The following COL12A1 variants were observed in gnomAD, a reference collection of about 807,000 sequenced individuals.
COL12A1 encodes the protein collagen alpha-1(XII) chain.
Under a neutral mutation model 349.7 loss-of-function variants are expected in COL12A1, and 114 were observed. The ratio of observed to expected loss-of-function variants is 0.33; its 90% CI spans 0.28 to 0.38. COL12A1 has a LOEUF of 0.38. Among genes scored for constraint, COL12A1 ranks in the 10% least tolerant of loss-of-function variants. The pLI, the probability that COL12A1 is intolerant of heterozygous loss-of-function variation, is 1.00. For synonymous variants in COL12A1, 1,369 were observed against 1,329.0 expected (o/e 1.03, Z -0.66); for missense variants, 3,284 against 3,756.9 (o/e 0.87, Z 3.29).
intron 27 of COL12A1, among the ~76,000 whole-genome samples, chr6:75,141,781 C>T (rs1356636796): frequency 6.6e-6 from 1 of 152,142 alleles, no homozygotes; most frequent in African/African-American, 2.4e-5. Context: ...CACAGGTGCA[C>T]ATCAAGTAGT....
chr6:75,121,447 A>C lies in COL12A1; in HGVS notation c.6947-6T>G, dbSNP rs200538799. 6.5e-6 allele frequency: 10 copies of C among 1,537,418 alleles called. No homozygotes were observed. The highest frequency in any genetic ancestry group is 3.5e-4 in the Middle Eastern group (2 of 5,760). On this transcript the variant is annotated splice_region_variant and splice_polypyrimidine_tract_variant and intron_variant, in intron 43 of 65. Transcript: ENST00000322507. ...TGCCTTGGCCCCTTTGCATACTGCA[A>C]AAAAAGAAAGCAGAGGAAGCCCCAA... is the stretch of plus-strand genomic sequence containing the variant.
chr6:75,123,298 G>C, intron 43 of COL12A1, 32 bp downstream of exon 43: 1 of 1,573,416 alleles, frequency 6.4e-7, no homozygotes, highest in East Asian at 2.3e-5. Flanking sequence ...CTCCCTATCA[G>C]CTGAACGTAT....
intron 49 of COL12A1, among the ~76,000 whole-genome samples, chr6:75,114,729 T>A (rs937113543): frequency 3.3e-5 from 5 of 152,134 alleles, no homozygotes; most frequent in African/African-American, 9.6e-5. Context: ...TCAAGAACTA[T>A]CTTTATAATA....
Position 75,133,279 on chromosome 6 carries a change from G to C in COL12A1, c.5794+14C>G. 1.3e-6 allele frequency: 2 copies of C among 1,554,876 alleles called. No homozygotes were observed. The highest frequency in any genetic ancestry group is 1.7e-6 in the Non-Finnish European group (2 of 1,154,732). On this transcript the variant is annotated intron_variant, in intron 34 of 65. Transcript: ENST00000322507. Reference sequence around the variant, plus strand: ...CTTATGATGAAAAATTAATTTTTTGGCTTTATTACTTACATGTCCTTCCAG... The same window carrying C: ...CTTATGATGAAAAATTAATTTTTTGCCTTTATTACTTACATGTCCTTCCAG...
chr6:75,095,212 T>G, intron 59 of COL12A1, 33 bp from the exon 60 acceptor site: 2 of 1,548,504 alleles, frequency 1.3e-6, no homozygotes, highest in Non-Finnish European at 1.8e-6. Flanking sequence ...GGGACTGTTA[T>G]GACAAAGGGA....
At chr6:75,127,850 A>T (rs1004140014) in intron 38 of COL12A1, among the ~76,000 whole-genome samples, 2 of 152,188 alleles carry the variant, frequency 1.3e-5, no homozygotes, top group African/African-American at 4.8e-5. Flanking sequence ...TTTTTTAGAA[A>T]AAGCTAAATT....
In COL12A1 at chr6:75,134,779, G is replaced by T; in HGVS notation, c.5471C>A (p.Ser1824Tyr). The change falls in exon 32 of 66, where the codon TCC (serine) becomes TAC (tyrosine). Residue 1824 changes from serine (S) to tyrosine (Y), a missense_variant. By Grantham distance (144) the Ser-to-Tyr change is moderately radical (BLOSUM62 -2). Coordinates refer to ENST00000322507, the MANE Select transcript of COL12A1 (RefSeq NM_004370.6). ...TCCTTCACCATCAGGATACAGAGAG[G>T]ATACGGTGATAGTGTAAGGAGTGTC... ...KPDTPYTITVSSLYPDGEGGR... is the reference protein window; with the variant it reads ...KPDTPYTITVYSLYPDGEGGR... 1.2e-6 allele frequency: 2 copies of T among 1,613,178 alleles called. No homozygotes were observed. Among genetic ancestry groups the T allele is most frequent in the Non-Finnish European group, 8.5e-7 (1 of 1,179,402 alleles).
chr6:75,155,976 G>T, intron 15 of COL12A1, 122 bp from the exon 16 acceptor site: 2 of 1,055,238 alleles, frequency 1.9e-6, no homozygotes, highest in East Asian at 2.6e-5. Context: ...GCACAAAATA[G>T]CATGTTCCAT....
At chr6:75,148,700 GC>G (rs1767327316) in intron 21 of COL12A1, among the ~76,000 whole-genome samples, 1 of 152,054 alleles carries the variant, frequency 6.6e-6, no homozygotes, top group Non-Finnish European at 1.5e-5. Context: ...AGGTTTTCTA[GC>G]CTCAAAAGAT....
intron 57 of COL12A1, 170 bp from the exon 58 acceptor site, chr6:75,101,823 G>A (rs1768318794): frequency 1.0e-6 from 1 of 955,896 alleles, no homozygotes; most frequent in Non-Finnish European, 1.6e-6. Flanking sequence ...TCAACAAGCA[G>A]ATACCTGAAT....
intron 8 of COL12A1, among the ~76,000 whole-genome samples, chr6:75,184,994 G>A (rs1317345722): frequency 3.9e-5 from 6 of 152,110 alleles, no homozygotes; most frequent in Non-Finnish European, 8.8e-5. Context: ...GCAACCAGAT[G>A]TAGGACATAA....
In COL12A1 at chr6:75,130,990, G is replaced by C. The variant is rs1166562974; in HGVS notation, c.5938-9C>G. The C allele has an allele frequency of 3.7e-6, 6 of 1,613,932 alleles. No homozygotes were observed. Among genetic ancestry groups the C allele is most frequent in the African/African-American group, 1.3e-5 (1 of 74,886 alleles). On this transcript the variant is annotated splice_polypyrimidine_tract_variant and intron_variant, in intron 35 of 65. Transcript: ENST00000322507. Reference sequence around the variant, plus strand: ...TTTCCTGGCACTACTATCTGCAGGAGAGGAAATGCCAAATTCTGCCTGACA... The same window carrying C: ...TTTCCTGGCACTACTATCTGCAGGACAGGAAATGCCAAATTCTGCCTGACA...
chr6:75,153,285 C>T (rs1478424794), intron 17 of COL12A1, among the ~76,000 whole-genome samples: 4 of 152,036 alleles, frequency 2.6e-5, no homozygotes, highest in Non-Finnish European at 5.9e-5. Context: ...TAAGCACAAA[C>T]ATTGATACAT....
rs374405599 is a variant in COL12A1, at chr6:75,123,335, C to T, written c.6941G>A (p.Arg2314Gln). Residue 2314 changes from arginine (R) to glutamine (Q), a missense_variant, in exon 43 of 66, where the codon CGG (arginine) becomes CAG (glutamine). Arg to Gln is a conservative substitution (Grantham distance 43). This residue lies in a region of COL12A1 where 2,601 missense variants were observed against 2,824.8 expected (regional missense o/e 0.92). Transcript: ENST00000322507. ...GCCTATTTAGCTGTACTTACCATCC[C>T]GGGCTGGTGGAATGGTGGGAGGGGG... is the stretch of plus-strand genomic sequence containing the variant. The part of the protein sequence containing the change: ...PPPPPTIPPA[R>Q]DVCKGAKADI... 8 of 1,608,966 alleles carry T rather than the reference C, an allele frequency of 5.0e-6. No homozygotes were observed. The African/African-American group carries it at 5.3e-5, about 11-fold the overall frequency.
At chr6:75,091,558 GACAA>G (rs764087150) in intron 60 of COL12A1, 33 bp from the exon 61 acceptor site, 2 of 1,596,078 alleles carry the variant, frequency 1.3e-6, no homozygotes, top group East Asian at 4.5e-5. Flanking sequence ...ATTAGAAACT[GACAA>G]ACATACTCTA....
intron 27 of COL12A1, among the ~76,000 whole-genome samples, chr6:75,139,948 T>C (rs958237797): frequency 6.6e-6 from 1 of 152,164 alleles, no homozygotes; most frequent in Admixed American, 6.5e-5. Context: ...CCCAGAGCCA[T>C]TAAAAATTTG....
At chr6:75,123,660 T>G (rs1765858067) in intron 42 of COL12A1, among the ~76,000 whole-genome samples, 1 of 152,084 alleles carries the variant, frequency 6.6e-6, no homozygotes, top group Non-Finnish European at 1.5e-5. Context: ...TAGGGTCAAA[T>G]GAGTAAAAGT....
chr6:75,087,827 A>G (rs1359302472), intron 64 of COL12A1, 80 bp from the exon 65 acceptor site: 1 of 1,389,472 alleles, frequency 7.2e-7, no homozygotes, highest in African/African-American at 1.5e-5. Flanking sequence ...TTTAAGTGGC[A>G]CCTCCACTGT....
At chr6:75,188,269 T>C (rs1010335549) in intron 8 of COL12A1, 93 bp downstream of exon 8, 9 of 1,335,372 alleles carry the variant, frequency 6.7e-6, no homozygotes, top group Non-Finnish European at 8.1e-6. Flanking sequence ...CTGGAAGAAA[T>C]ATTTAAATAA....
Sources: allele counts gnomAD v4.1 joint callset (sites outside exome capture counted in the v4.1 genomes callset), GRCh38; gene constraint gnomAD v4.1.1; regional missense constraint gnomAD v4.1.1; transcripts MANE v1.5; gene names NCBI Gene and HGNC (gene_info 2026-07-23, HGNC 2026-07-21).